LAMA2: variants seen among roughly 807,000 people sequenced by gnomAD.
The protein encoded by LAMA2 is laminin subunit alpha-2.
A neutral mutation model predicts 364.8 loss-of-function variants in LAMA2; 269 were observed. The ratio of observed to expected loss-of-function variants is 0.74; its 90% CI spans 0.67 to 0.82. LAMA2 has a LOEUF of 0.82. LAMA2 is among the 40% of genes least tolerant of loss of function. The pLI is 0.00. For synonymous variants in LAMA2, 1,379 were observed against 1,370.6 expected, an observed-to-expected ratio of 1.01 and a Z score of -0.14; for missense variants, 3,807 against 3,873.2, an observed-to-expected ratio of 0.98 and a Z score of 0.45.
At chr6:129,005,945 C>T (rs867280612) in intron 1 of LAMA2, among the ~76,000 whole-genome samples, 4 of 151,596 alleles carry the variant, frequency 2.6e-5, no homozygotes, top group Non-Finnish European at 5.9e-5. Flanking sequence ...GAAGTTTTCT[C>T]TCTTGTTTTC....
chr6:129,442,329 A>T, intron 43 of LAMA2: 2 of 674,894 alleles, frequency 3.0e-6, no homozygotes. Flanking sequence ...AGCCAGGGTG[A>T]AAAAGGGGAG....
At chr6:128,936,450 A>G (rs889949391) in intron 1 of LAMA2, among the ~76,000 whole-genome samples, 10 of 151,964 alleles carry the variant, frequency 6.6e-5, no homozygotes, top group Non-Finnish European at 1.2e-4. Flanking sequence ...TTTATTCTTT[A>G]TTCTGTGAAA....
intron 4 of LAMA2, among the ~76,000 whole-genome samples, chr6:129,134,483 C>T (rs745971876): frequency 1.6e-4 from 24 of 152,094 alleles, no homozygotes; most frequent in Non-Finnish European, 3.4e-4. Context: ...ATGCTTTAGC[C>T]CAGCAGTCCC....
chr6:129,479,196 C>T (rs772684309), intron 54 of LAMA2, among the ~76,000 whole-genome samples: 16 of 151,896 alleles, frequency 1.1e-4, no homozygotes, highest in Non-Finnish European at 2.1e-4. Context: ...TTTCTGGAAC[C>T]ATTGAAGTTT....
chr6:129,023,554 C>A (rs1011477407), intron 1 of LAMA2, among the ~76,000 whole-genome samples: 1 of 152,154 alleles, frequency 6.6e-6, no homozygotes, highest in Non-Finnish European at 1.5e-5. Context: ...TCAGCAAAGA[C>A]GCCTGGGAGC....
At chr6:129,403,301 G>A (rs905560140) in intron 39 of LAMA2, among the ~76,000 whole-genome samples, 12 of 152,138 alleles carry the variant, frequency 7.9e-5, no homozygotes, top group African/African-American at 2.9e-4. Context: ...TATAATGAAG[G>A]GTGGGTGGCA....
At chr6:129,423,220 G>T (rs945732772) in intron 40 of LAMA2, among the ~76,000 whole-genome samples, 1 of 151,822 alleles carries the variant, frequency 6.6e-6, no homozygotes, top group Non-Finnish European at 1.5e-5. Context: ...AAACCTAACA[G>T]CTAAAATCAT....
intron 41 of LAMA2, among the ~76,000 whole-genome samples, chr6:129,432,000 G>A (rs960262569): frequency 6.6e-6 from 1 of 152,208 alleles, no homozygotes; most frequent in Non-Finnish European, 1.5e-5. Flanking sequence ...GTGCAATTGT[G>A]ACTAAGGGAT....
intron 8 of LAMA2, among the ~76,000 whole-genome samples, chr6:129,156,577 C>T (rs7766816): frequency 0.037 from 5,596 of 150,596 alleles, 215 homozygotes; most frequent in East Asian, 0.15. Context: ...ATAAAGAATA[C>T]AGAACATGGT....
chr6:129,508,892 G>A (rs1019516512), intron 62 of LAMA2, among the ~76,000 whole-genome samples: 3 of 152,100 alleles, frequency 2.0e-5, no homozygotes, highest in African/African-American at 7.2e-5. Flanking sequence ...TGGATCATAT[G>A]GTAGCTCTAT....
rs1402587994 is a variant in LAMA2 at position 128,909,812 on chromosome 6, G to A, written c.112+26455G>A. ...TCCATGTTTAGTGCTTCCTTCAGGA[G>A]CTCTTTTAGGGCAGGCCTGGTGGTG... On this transcript the variant is annotated intron_variant, in intron 1 of 64. Coordinates refer to ENST00000421865, the MANE Select transcript of LAMA2 (RefSeq NM_000426.4). 4.6e-5 allele frequency among the ~76,000 whole-genome samples: 7 copies of A among 151,744 alleles called. No individual in the cohort carries two copies. The South Asian group carries it at 1.0e-3, about 23-fold the overall frequency.
chr6:129,122,343 T>G (rs1332635483), intron 4 of LAMA2, among the ~76,000 whole-genome samples: 2 of 152,216 alleles, frequency 1.3e-5, no homozygotes, highest in Admixed American at 6.5e-5. Context: ...TTTTGTTTAC[T>G]CTGTGCAACT....
chr6:129,157,506 CTCCGATGGTTTAACCGTCAGATTT>C (rs2114981086), intron 8 of LAMA2: 1 of 1,611,684 alleles, frequency 6.2e-7, no homozygotes, highest in African/African-American at 1.3e-5. Flanking sequence ...AGAGTTTCTC[CTCCGATGGTTTAACCGTCAGATTT>C]TTACATCTTG....
chr6:129,219,133 T>C (rs1783620354), intron 12 of LAMA2, among the ~76,000 whole-genome samples: 1 of 152,126 alleles, frequency 6.6e-6, no homozygotes, highest in African/African-American at 2.4e-5. Context: ...AAGTATGTGA[T>C]CCATAGGAGT....
chr6:129,457,861 C>A (rs919692320), intron 48 of LAMA2, among the ~76,000 whole-genome samples: 9 of 152,090 alleles, frequency 5.9e-5, no homozygotes, highest in Non-Finnish European at 8.8e-5. Context: ...TCTTGCTGTT[C>A]TCACATAGTA....
At chr6:129,300,896 T>G (rs751423658) in intron 22 of LAMA2, 24 bp downstream of exon 22, 2 of 1,613,320 alleles carry the variant, frequency 1.2e-6, no homozygotes, top group East Asian at 2.2e-5. Flanking sequence ...TTTTTTGCTC[T>G]GATAATTTTT....
chr6:128,968,618 A>G (rs9492165), intron 1 of LAMA2, among the ~76,000 whole-genome samples: 12,552 of 152,116 alleles, frequency 0.083, 988 homozygotes, highest in African/African-American at 0.2. Context: ...AGCTCTGGAG[A>G]TGCTTGTAGA....
At position 129,192,747 on chromosome 6, in the gene LAMA2, A is replaced by G. The variant is rs1781598216; in HGVS notation, c.1676A>G (p.Asp559Gly). The G allele has an allele frequency of 6.2e-7, 1 of 1,614,014 alleles. No homozygotes were observed. The highest frequency in any genetic ancestry group is 8.5e-7 in the Non-Finnish European group (1 of 1,180,032). Residue 559 changes from aspartate to glycine, a missense_variant, in exon 12 of 65, where the codon GAC becomes GGC. Physicochemically the swap from Asp to Gly is moderately conservative, Grantham distance 94 (BLOSUM62 -1). Transcript: ENST00000421865. Reference protein sequence around the residue: ...PGRIRVAPQQDDLDSPQQISI... With the variant: ...PGRIRVAPQQGDLDSPQQISI... ...CGCATTCGAGTGGCTCCCCAGCAGG[A>G]CGACTTGGACTCACCTCAGCAGATC...
intron 16 of LAMA2, among the ~76,000 whole-genome samples, chr6:129,270,198 G>A (rs1787818914): frequency 6.6e-6 from 1 of 150,504 alleles, no homozygotes; most frequent in Non-Finnish European, 1.5e-5. Context: ...ATTTCAAGCT[G>A]AACAATTGAT....
Sources: allele counts gnomAD v4.1 joint callset (sites outside exome capture counted in the v4.1 genomes callset), GRCh38; gene constraint gnomAD v4.1.1; transcripts MANE v1.5; gene names NCBI Gene and HGNC (gene_info 2026-07-23, HGNC 2026-07-21).